Variants in CELF2 observed in about 807,000 individuals in gnomAD.
CELF2 encodes CUG triplet repeat RNA-binding protein 2.
CELF2 carries 8 observed loss-of-function variants against 62.6 expected under a neutral mutation model. That is an observed-to-expected ratio of 0.13 (90% CI 0.07 to 0.23). The LOEUF is 0.23. Ranked by LOEUF, CELF2 falls within the 10% of genes least tolerant of loss-of-function variation. CELF2 has a pLI of 1.00. For missense variants in CELF2, 333 were observed against 671.0 expected, an observed-to-expected ratio of 0.50 and a Z score of 5.56; for synonymous variants, 258 against 250.0, an observed-to-expected ratio of 1.03 and a Z score of -0.30.
the CELF2 span, among the ~76,000 whole-genome samples, chr10:10,572,101 T>C: frequency 2.0e-5 from 3 of 152,264 alleles, no homozygotes; most frequent in African/African-American, 7.2e-5. Flanking sequence ...GCAACACGTA[T>C]GGTATTAGTC....
rs372048301 is a variant in CELF2, at chr10:11,333,075, C to T, written c.*4022C>T. On this transcript the variant is annotated 3_prime_UTR_variant, in exon 13 of 13. Coordinates refer to ENST00000633077, the MANE Select transcript of CELF2 (RefSeq NM_001326342.2). The stretch of plus-strand genomic sequence containing the variant: ...CAATTTACTGAAGCCGACTCCCCTC[C>T]CCATCTCCCTCTCAACCTCAACCCA... 5 of 152,216 alleles carry T rather than the reference C, an allele frequency of 3.3e-5. No individual in the cohort carries two copies. In the East Asian group the frequency reaches 5.8e-4, roughly 18 times the overall value. The allele number at this position is 152,216 out of a possible 1,614,324, so 9.4% of individuals were successfully genotyped here. A position where few individuals can be genotyped will look rare whatever the true frequency, so the allele number is the denominator to read the frequency against.
intron 2 of CELF2, among the ~76,000 whole-genome samples, chr10:11,175,659 G>A (rs1204553756): frequency 6.6e-6 from 1 of 152,194 alleles, no homozygotes; most frequent in Non-Finnish European, 1.5e-5. Context: ...TAGGCTTAAT[G>A]CAGAGCCCTT....
rs1383980654 is a variant in CELF2, at chr10:11,269,444, G to C, written c.619-1222G>C. 6.6e-6 allele frequency among the ~76,000 whole-genome samples: 1 copy of C among 152,118 alleles called. No homozygotes were observed. Among genetic ancestry groups the C allele is most frequent in the East Asian group, 1.9e-4 (1 of 5,204 alleles). ...AAAAATGCGTTTGTTTTCCAGAAAA[G>C]AGAAACATGACCCAAAGGGAATGGA... is the stretch of plus-strand genomic sequence containing the variant. On this transcript the variant is annotated intron_variant, in intron 6 of 12. Coordinates refer to ENST00000633077, the MANE Select transcript of CELF2 (RefSeq NM_001326342.2). This position sits in a 1 kb window ranked among gnomAD's most constrained non-coding sequence, Gnocchi z 4.4.
At chr10:11,006,574 C>T (rs1002879783) in intron 1 of CELF2, among the ~76,000 whole-genome samples, 1 of 152,154 alleles carries the variant, frequency 6.6e-6, no homozygotes, top group Non-Finnish European at 1.5e-5. Context: ...ATTTGGTGAA[C>T]TTATGAAACA....
chr10:10,866,591 C>A (rs578039979), intron 1 of CELF2, among the ~76,000 whole-genome samples: 2 of 101,042 alleles, frequency 2.0e-5, no homozygotes, highest in African/African-American at 4.0e-5. Flanking sequence ...GGTGACAGAG[C>A]AAGACTCCAT....
chr10:10,876,867 G>A (rs2061131193), intron 1 of CELF2, among the ~76,000 whole-genome samples: 1 of 152,254 alleles, frequency 6.6e-6, no homozygotes, highest in South Asian at 2.1e-4. Context: ...CAATGTGTGT[G>A]TGGTCTATGT....
chr10:10,981,922 G>A (rs1291847155), intron 2 of CELF2, among the ~76,000 whole-genome samples: 1 of 150,970 alleles, frequency 6.6e-6, no homozygotes, highest in Non-Finnish European at 1.5e-5. Context: ...GTAACTGCCT[G>A]GTAGACCCTC....
At chr10:10,644,165 G>T in the CELF2 span, among the ~76,000 whole-genome samples, 1 of 152,150 alleles carries the variant, frequency 6.6e-6, no homozygotes, top group Non-Finnish European at 1.5e-5. Context: ...CTGCTGCCAC[G>T]TGATAAATAG....
chr10:11,089,912 T>C (rs1457402987), intron 1 of CELF2, among the ~76,000 whole-genome samples: 5 of 152,136 alleles, frequency 3.3e-5, no homozygotes, highest in Non-Finnish European at 5.9e-5. Context: ...CTAAGTGAAC[T>C]CATGGAGAAA....
intron 12 of CELF2, among the ~76,000 whole-genome samples, chr10:11,327,118 T>C (rs999754719): frequency 1.4e-5 from 2 of 147,326 alleles, no homozygotes; most frequent in African/African-American, 5.0e-5. Context: ...TCGGGACCCA[T>C]TCGGCGGCTG....
the CELF2 span, among the ~76,000 whole-genome samples, chr10:10,619,572 C>G: frequency 5.9e-5 from 9 of 152,192 alleles, no homozygotes; most frequent in Non-Finnish European, 7.3e-5. Flanking sequence ...CTTCAACCCC[C>G]CTCAGGCTTC....
intron 2 of CELF2, among the ~76,000 whole-genome samples, chr10:10,955,392 C>G (rs2135839487): frequency 6.6e-6 from 1 of 152,330 alleles, no homozygotes; most frequent in East Asian, 1.9e-4. Context: ...TTGCAGCTTC[C>G]TGAAGCCCAA....
intron 2 of CELF2, among the ~76,000 whole-genome samples, chr10:11,215,803 T>G (rs2063203732): frequency 6.6e-6 from 1 of 152,174 alleles, no homozygotes; most frequent in Admixed American, 6.5e-5. Flanking sequence ...CTTCTAAAAA[T>G]GGTTACTGGA....
At chr10:10,531,547 C>T in the CELF2 span, among the ~76,000 whole-genome samples, 2 of 152,172 alleles carry the variant, frequency 1.3e-5, no homozygotes, top group East Asian at 3.9e-4. Context: ...GAATCAGTCT[C>T]TTTGGACTCC....
At chr10:11,031,566 C>T (rs970417500) in intron 1 of CELF2, among the ~76,000 whole-genome samples, 2 of 152,146 alleles carry the variant, frequency 1.3e-5, no homozygotes, top group Non-Finnish European at 2.9e-5. Flanking sequence ...ATTAGCTTGT[C>T]GAAATGCCTT....
At chr10:11,079,495 G>A (rs187029105) in intron 1 of CELF2, among the ~76,000 whole-genome samples, 101 of 152,270 alleles carry the variant, frequency 6.6e-4, no homozygotes, top group African/African-American at 2.3e-3. Flanking sequence ...TGGGGGTTCA[G>A]GGATTTTCCC....
Position 11,117,270 on chromosome 10 carries a change from A to ATT in CELF2, c.75-48214_75-48213dup, listed in dbSNP as rs2056762374. ...AGAAGAACTGGCTTTGAATTCCGAC[A>ATT]TTTACTGGCTGTGTGGCTTTGGAAT... On this transcript the variant is annotated intron_variant, in intron 1 of 12. Transcript: ENST00000633077. The surrounding 1 kb of genome is among the most constrained non-coding windows in gnomAD (Gnocchi z 4.1). Among the ~76,000 whole-genome samples the ATT allele has an allele frequency of 6.6e-6, 1 of 152,180 alleles. No individual in the cohort carries two copies. The highest frequency in any genetic ancestry group is 2.4e-5 in the African/African-American group (1 of 41,442).
intron 2 of CELF2, among the ~76,000 whole-genome samples, chr10:11,183,039 T>C (rs898266788): frequency 2.6e-5 from 4 of 152,218 alleles, no homozygotes; most frequent in Admixed American, 6.5e-5. Context: ...TCTTAACATA[T>C]GTATACACCT....
intron 1 of CELF2, among the ~76,000 whole-genome samples, chr10:11,119,872 C>CA (rs11384133): frequency 2.0e-5 from 3 of 146,480 alleles, no homozygotes; most frequent in Non-Finnish European, 3.0e-5. Flanking sequence ...CCTCCCCCCC[C>CA]CCGGCCCCCG....
Sources: allele counts gnomAD v4.1 joint callset (sites outside exome capture counted in the v4.1 genomes callset), GRCh38; gene constraint gnomAD v4.1.1; non-coding constraint Gnocchi (gnomAD v3.1); transcripts MANE v1.5; gene names NCBI Gene and HGNC (gene_info 2026-07-23, HGNC 2026-07-21).